TRPS1: variants seen among roughly 807,000 people sequenced by gnomAD.
TRPS1 encodes the protein transcriptional repressor GATA binding 1, also known as zinc finger transcription factor Trps1.
TRPS1 carries 6 observed loss-of-function variants against 101.2 expected under a neutral mutation model. The ratio of observed to expected loss-of-function variants is 0.06; its 90% confidence interval spans 0.03 to 0.12. The LOEUF (loss-of-function observed/expected upper bound fraction) is 0.12. Among genes scored for constraint, TRPS1 ranks in the 10% least tolerant of loss-of-function variants. TRPS1 has a pLI of 1.00. For synonymous variants in TRPS1, 578 were observed against 589.8 expected (o/e 0.98, Z 0.29); for missense variants, 1,363 against 1,567.0 (o/e 0.87, Z 2.20).
intron 5 of TRPS1, among the ~76,000 whole-genome samples, chr8:115,490,566 G>A (rs1417793321): frequency 2.0e-5 from 3 of 152,104 alleles, no homozygotes; most frequent in Non-Finnish European, 4.4e-5. Context: ...TATAAACTTA[G>A]TACAATAACC....
intron 5 of TRPS1, among the ~76,000 whole-genome samples, chr8:115,442,000 A>G (rs1813611690): frequency 1.3e-5 from 2 of 152,096 alleles, no homozygotes; most frequent in Non-Finnish European, 1.5e-5. Flanking sequence ...AAGCACCAGC[A>G]TAACTTTATA....
intron 5 of TRPS1, among the ~76,000 whole-genome samples, chr8:115,518,161 A>T (rs1563569408): frequency 6.6e-6 from 1 of 151,922 alleles, no homozygotes; most frequent in South Asian, 2.1e-4. Flanking sequence ...ACAAATCCAA[A>T]CCTTACAGTA....
At chr8:115,593,305 A>G (rs571508999) in intron 4 of TRPS1, among the ~76,000 whole-genome samples, 92 of 152,338 alleles carry the variant, frequency 6.0e-4, no homozygotes, top group Non-Finnish European at 1.1e-3. Flanking sequence ...CAGGTCATTT[A>G]CATATATTGC....
At chr8:115,416,590 T>C (rs1168740541) in intron 6 of TRPS1, among the ~76,000 whole-genome samples, 2 of 149,174 alleles carry the variant, frequency 1.3e-5, no homozygotes, top group Non-Finnish European at 1.5e-5. Context: ...ATAATATAAA[T>C]TTAAAAAAAC....
At chr8:115,583,875 TAAAAGCC>T (rs1369532847) in intron 5 of TRPS1, among the ~76,000 whole-genome samples, 2 of 151,874 alleles carry the variant, frequency 1.3e-5, no homozygotes, top group African/African-American at 4.8e-5. Context: ...AACACAAAAC[TAAAAGCC>T]AAACACTGAC....
chr8:115,417,400 G>T (rs1812947385), intron 6 of TRPS1, among the ~76,000 whole-genome samples: 1 of 152,152 alleles, frequency 6.6e-6, no homozygotes, highest in Admixed American at 6.5e-5. Context: ...GTCTAAAAGT[G>T]TATTCCCTGT....
At chr8:115,492,492 C>A (rs1443249261) in intron 5 of TRPS1, among the ~76,000 whole-genome samples, 10 of 147,864 alleles carry the variant, frequency 6.8e-5, no homozygotes, top group Non-Finnish European at 1.2e-4. Flanking sequence ...CGTGCGTGTG[C>A]GTGTTCGTGT....
chr8:115,449,489 A>C (rs1813814710), intron 5 of TRPS1, among the ~76,000 whole-genome samples: 1 of 152,200 alleles, frequency 6.6e-6, no homozygotes, highest in Admixed American at 6.5e-5. Flanking sequence ...GAGCCTTGTT[A>C]AAAATCCACA....
At chr8:115,503,050 T>G (rs1815355929) in intron 5 of TRPS1, among the ~76,000 whole-genome samples, 1 of 151,812 alleles carries the variant, frequency 6.6e-6, no homozygotes, top group South Asian at 2.1e-4. Context: ...AATCTCCAGG[T>G]CAGGAGATCG....
chr8:115,609,035 CAG>C (rs1818103585), intron 3 of TRPS1, among the ~76,000 whole-genome samples: 1 of 151,962 alleles, frequency 6.6e-6, no homozygotes, highest in Non-Finnish European at 1.5e-5. Flanking sequence ...TTTGTGGAAA[CAG>C]GGTTTTGCCA....
chr8:115,651,872 T>C (rs1811567614), intron 1 of TRPS1, among the ~76,000 whole-genome samples: 1 of 152,136 alleles, frequency 6.6e-6, no homozygotes, highest in Admixed American at 6.5e-5. Flanking sequence ...ACACATGATG[T>C]AGTACATTTG....
At chr8:115,430,355 TTA>T (rs1813288876) in intron 5 of TRPS1, among the ~76,000 whole-genome samples, 2 of 152,146 alleles carry the variant, frequency 1.3e-5, no homozygotes, top group Admixed American at 1.3e-4. Context: ...AATCTTTATA[TTA>T]TCAGTGCTTT....
intron 5 of TRPS1, among the ~76,000 whole-genome samples, chr8:115,501,544 C>T (rs994821558): frequency 1.3e-5 from 2 of 152,108 alleles, no homozygotes; most frequent in African/African-American, 4.8e-5. Context: ...ATATTTTCAC[C>T]AGCTGACAGT....
chr8:115,607,178 T>C (rs1818058368), intron 3 of TRPS1, among the ~76,000 whole-genome samples: 1 of 152,130 alleles, frequency 6.6e-6, no homozygotes, highest in Admixed American at 6.5e-5. Context: ...AAGAAATCCC[T>C]AAACATATGA....
Position 115,414,553 on chromosome 8 carries a change from T to C in TRPS1, c.3355A>G (p.Ser1119Gly), listed in dbSNP as rs1812867280. 2 of 1,613,942 alleles carry C rather than the reference T, an allele frequency of 1.2e-6. No individual in the cohort carries two copies. Among genetic ancestry groups the C allele is most frequent in the Non-Finnish European group, 1.7e-6 (2 of 1,179,948 alleles). The change falls in exon 7 of 7, where the codon AGT becomes GGT. Residue 1119 changes from serine (S) to glycine (G), a missense_variant. Transcript: ENST00000395715. This position sits in a 1 kb window ranked among gnomAD's most constrained non-coding sequence, Gnocchi z 4.8. ...GLPFVHNDFQ[S>G]EADWLRFWSK... Reference sequence around the variant, plus strand: ...CAGAACCGCAGCCAATCAGCTTCACTCTGGAAGTCATTATGTACAAAGGGA... The same window carrying C: ...CAGAACCGCAGCCAATCAGCTTCACCCTGGAAGTCATTATGTACAAAGGGA...
In TRPS1 at chr8:115,409,002, A is replaced by G. The variant is rs1812719970; in HGVS notation, c.*5021T>C. Reference sequence around the variant, plus strand: ...TATTGGCTGCCTAGTTGATATTTACAGCTCGTCTTTAAGAAAAATGACCCC... The same window carrying G: ...TATTGGCTGCCTAGTTGATATTTACGGCTCGTCTTTAAGAAAAATGACCCC... On this transcript the variant is annotated 3_prime_UTR_variant, in exon 7 of 7. Coordinates refer to ENST00000395715, the MANE Select transcript of TRPS1 (RefSeq NM_014112.5). The G allele has an allele frequency of 6.6e-6, 1 of 152,222 alleles. No individual in the cohort carries two copies. The highest frequency in any genetic ancestry group is 1.5e-5 in the Non-Finnish European group (1 of 67,930). The allele number at this position is 152,222 out of a possible 1,614,324, so 9.4% of individuals were successfully genotyped here.
chr8:115,667,894 A>C (rs1197844657), intron 1 of TRPS1: 1 of 1,535,456 alleles, frequency 6.5e-7, no homozygotes, highest in Admixed American at 2.0e-5. Context: ...GCTGGTGCCT[A>C]GTCTGCGCCC....
Position 115,619,356 on chromosome 8 carries a change from C to G in TRPS1, c.742G>C (p.Asp248His), listed in dbSNP as rs763013947. 1 of 1,614,196 alleles carries G rather than the reference C, an allele frequency of 6.2e-7. No individual in the cohort carries two copies. Among genetic ancestry groups the G allele is most frequent in the Non-Finnish European group, 8.5e-7 (1 of 1,180,046 alleles). The change falls in exon 3 of 7, where the codon GAC (aspartate) becomes CAC (histidine). Residue 248 changes from aspartate (D) to histidine (H), a missense_variant. This residue lies in a region of TRPS1 where 1,020 missense variants were observed against 1,073.0 expected (regional missense o/e 0.95). Coordinates refer to ENST00000395715, the MANE Select transcript of TRPS1 (RefSeq NM_014112.5). ...NICGYGYYGN[D>H]PTDLIKHFRK... ...AAGTGCTTAATCAGATCTGTGGGGTCGTTGCCGTAGTAACCATATCCACAG... is the reference window on the plus strand; with the variant it reads ...AAGTGCTTAATCAGATCTGTGGGGTGGTTGCCGTAGTAACCATATCCACAG...
At chr8:115,529,742 C>T (rs964035667) in intron 5 of TRPS1, among the ~76,000 whole-genome samples, 2 of 152,174 alleles carry the variant, frequency 1.3e-5, no homozygotes, top group Admixed American at 6.6e-5. Flanking sequence ...GCCAACAATG[C>T]CCACTATATT....
Sources: gnomAD v4.1 joint callset for allele counts (sites outside exome capture counted in the v4.1 genomes callset) on GRCh38, gnomAD v4.1.1 for gene constraint, gnomAD v4.1.1 regional missense constraint, Gnocchi (gnomAD v3.1) non-coding constraint, MANE v1.5 for transcripts, NCBI Gene and HGNC (gene_info 2026-07-23, HGNC 2026-07-21) for gene names.